The following EIF2AK1 variants were observed in gnomAD, a reference collection of about 807,000 sequenced individuals.
EIF2AK1 encodes the protein eukaryotic translation initiation factor 2-alpha kinase 1.
A neutral mutation model predicts 77.9 loss-of-function variants in EIF2AK1; 54 were observed. The ratio of observed to expected loss-of-function variants is 0.69; its 90% confidence interval spans 0.56 to 0.87. The LOEUF is 0.87. EIF2AK1 is among the 40% of genes least tolerant of loss of function. The probability of loss-of-function intolerance (pLI) is 0.00; values close to 1 mark genes in which losing one functional copy is unlikely to be tolerated. For missense variants in EIF2AK1, 810 were observed against 768.6 expected (o/e 1.05, Z -0.64); for synonymous variants, 314 against 290.5 (o/e 1.08, Z -0.82).
In EIF2AK1 at chr7:6,024,272, G is replaced by C. The variant is rs1167125257; in HGVS notation, c.*401C>G. ...TGAACTTCAGCTGCAGTGTGAAAGG[G>C]GCAGGAAGACTGGCAGCTGTCAAAA... On this transcript the variant is annotated 3_prime_UTR_variant, in exon 15 of 15. Coordinates refer to ENST00000199389, the MANE Select transcript of EIF2AK1 (RefSeq NM_014413.4). 3.3e-6 allele frequency: 4 copies of C among 1,210,546 alleles called. No individual in the cohort carries two copies. The highest frequency in any genetic ancestry group is 3.2e-5 in the African/African-American group (2 of 63,248). The allele number at this position is 1,210,546 out of a possible 1,614,324, so 75.0% of individuals were successfully genotyped here.
In EIF2AK1 at chr7:6,035,730, A is replaced by G. The variant is rs754024005; in HGVS notation, c.1332+1694T>C. 1.3e-6 allele frequency: 2 copies of G among 1,551,092 alleles called. No homozygotes were observed. Among genetic ancestry groups the G allele is most frequent in the South Asian group, 2.4e-5 (2 of 84,068 alleles). On this transcript the variant is annotated intron_variant, in intron 11 of 14. Coordinates refer to ENST00000199389, the MANE Select transcript of EIF2AK1 (RefSeq NM_014413.4). The surrounding 1 kb of genome is among the most constrained non-coding windows in gnomAD (Gnocchi z 5.5). ...CGATGTCAATGCTATTAATGAAGCCAGCATGACACCCCTTCACATGGCCGC... is the reference window on the plus strand; with the variant it reads ...CGATGTCAATGCTATTAATGAAGCCGGCATGACACCCCTTCACATGGCCGC...
At chr7:6,055,607 C>A (rs759280771) in intron 1 of EIF2AK1, among the ~76,000 whole-genome samples, 2 of 149,282 alleles carry the variant, frequency 1.3e-5, no homozygotes, top group African/African-American at 4.9e-5. Context: ...TGCAGACAGA[C>A]GAGTTGGCAC....
chr7:6,049,320 C>T (rs888548285), intron 3 of EIF2AK1, among the ~76,000 whole-genome samples: 9 of 152,144 alleles, frequency 5.9e-5, no homozygotes, highest in Admixed American at 5.2e-4. Context: ...AAGGCAGGCA[C>T]ATCACGAGGT....
intron 11 of EIF2AK1, among the ~76,000 whole-genome samples, chr7:6,029,507 C>A (rs1215992359): frequency 2.7e-5 from 4 of 150,312 alleles, no homozygotes; most frequent in African/African-American, 9.8e-5. Context: ...AAAAAAAAAA[C>A]CTCAACATTC....
At position 6,035,375 on chromosome 7, in the gene EIF2AK1, C is replaced by T; in HGVS notation, c.1332+2049G>A. The stretch of plus-strand genomic sequence containing the variant: ...TTTAAATAAATACTGGCTTCTTAAG[C>T]ATTAACTGTCCACGTAGAGCCGTTC... On this transcript the variant is annotated intron_variant, in intron 11 of 14. Transcript: ENST00000199389. The surrounding 1 kb of genome is among the most constrained non-coding windows in gnomAD (Gnocchi z 5.5). 7.3e-7 allele frequency: 1 copy of T among 1,368,484 alleles called. No homozygotes were observed. The allele number at this position is 1,368,484 out of a possible 1,614,324, so 84.8% of individuals were successfully genotyped here. A position where few individuals can be genotyped will look rare whatever the true frequency, so the allele number is the denominator to read the frequency against.
chr7:6,048,661 C>G, intron 4 of EIF2AK1, 146 bp downstream of exon 4: 1 of 618,872 alleles, frequency 1.6e-6, no homozygotes, highest in Non-Finnish European at 2.8e-6. Flanking sequence ...AAGCAAGTCT[C>G]AGAGCAGTAC....
At chr7:6,024,940 G>C (rs1236090176) in intron 14 of EIF2AK1, 139 bp from the exon 15 acceptor site, 32 of 569,230 alleles carry the variant, frequency 5.6e-5, no homozygotes, top group Non-Finnish European at 8.6e-5. Context: ...CCCAGTTCAA[G>C]CTATTCTCGT....
At chr7:6,040,624 G>A (rs1323684325) in intron 9 of EIF2AK1, among the ~76,000 whole-genome samples, 1 of 152,190 alleles carries the variant, frequency 6.6e-6, no homozygotes, top group Non-Finnish European at 1.5e-5. Flanking sequence ...CAGAGTGTGA[G>A]TGAGGCCGCC....
At chr7:6,028,806 G>C in intron 12 of EIF2AK1, 109 bp from the exon 13 acceptor site, 1 of 1,402,688 alleles carries the variant, frequency 7.1e-7, no homozygotes, top group Non-Finnish European at 1.0e-6. Context: ...CAGTTGCTTT[G>C]TATCTTTATC....
At chr7:6,026,642 G>T in intron 14 of EIF2AK1, 86 bp downstream of exon 14, 2 of 1,075,164 alleles carry the variant, frequency 1.9e-6, no homozygotes, top group East Asian at 2.4e-5. Context: ...CCCAGCCTCC[G>T]GGGGCACCAC....
intron 9 of EIF2AK1, among the ~76,000 whole-genome samples, chr7:6,040,541 C>CA (rs1323306162): frequency 6.6e-6 from 1 of 152,158 alleles, no homozygotes; most frequent in Non-Finnish European, 1.5e-5. Context: ...TACTGGGACT[C>CA]ACCTAAAGTC....
At chr7:6,056,589 A>C (rs1226118452) in intron 1 of EIF2AK1, among the ~76,000 whole-genome samples, 1 of 113,310 alleles carries the variant, frequency 8.8e-6, no homozygotes, top group East Asian at 2.4e-4. Context: ...GGGAGACTCC[A>C]TCTCAAGGGA....
chr7:6,049,516 C>T (rs1788544073), intron 3 of EIF2AK1, among the ~76,000 whole-genome samples: 1 of 152,056 alleles, frequency 6.6e-6, no homozygotes, highest in Admixed American at 6.6e-5. Context: ...GCACTCCAGC[C>T]CAGATGACAG....
At chr7:6,053,667 CTTTTT>C (rs34358095) in intron 2 of EIF2AK1, among the ~76,000 whole-genome samples, 1 of 117,500 alleles carries the variant, frequency 8.5e-6, no homozygotes, top group African/African-American at 3.3e-5. Flanking sequence ...CCAGCCCATT[CTTTTT>C]TTTTTTTTTT....
In EIF2AK1 at chr7:6,023,372, G is replaced by A. The variant is rs150887968; in HGVS notation, c.*1301C>T. 15 of 1,614,000 alleles carry A rather than the reference G, an allele frequency of 9.3e-6. No individual in the cohort carries two copies. The Admixed American group carries it at 1.5e-4, about 16-fold the overall frequency. ...ATCGAAGGCGAAGGGAACATTGCAC[G>A]TTTCTTGTTCTCTCTGTTTGGCCAG... On this transcript the variant is annotated 3_prime_UTR_variant, in exon 15 of 15. Transcript: ENST00000199389.
intron 1 of EIF2AK1, among the ~76,000 whole-genome samples, chr7:6,057,203 G>A (rs754478424): frequency 1.4e-5 from 2 of 138,498 alleles, no homozygotes; most frequent in African/African-American, 2.8e-5. Context: ...CACGATCTCA[G>A]CTCACTGCAA....
Position 6,024,274 on chromosome 7 carries a change from C to G in EIF2AK1, c.*399G>C. Reference sequence around the variant, plus strand: ...AACTTCAGCTGCAGTGTGAAAGGGGCAGGAAGACTGGCAGCTGTCAAAACT... The same window carrying G: ...AACTTCAGCTGCAGTGTGAAAGGGGGAGGAAGACTGGCAGCTGTCAAAACT... On this transcript the variant is annotated 3_prime_UTR_variant, in exon 15 of 15. Coordinates refer to ENST00000199389, the MANE Select transcript of EIF2AK1 (RefSeq NM_014413.4). 6 of 1,210,370 alleles carry G rather than the reference C, an allele frequency of 5.0e-6. No individual in the cohort carries two copies. Among genetic ancestry groups the G allele is most frequent in the Non-Finnish European group, 4.2e-6 (4 of 956,392 alleles). 75.0% of individuals were successfully genotyped at this position (1,210,370 alleles called of 1,614,324 possible).
At chr7:6,049,867 A>G (rs966889859) in intron 3 of EIF2AK1, 45 bp downstream of exon 3, 4 of 1,519,128 alleles carry the variant, frequency 2.6e-6, no homozygotes, top group Non-Finnish European at 3.6e-6. Flanking sequence ...TCTTAAAATT[A>G]AAGTATATTT....
In EIF2AK1 at chr7:6,026,894, C is replaced by G; in HGVS notation, c.1598G>C (p.Arg533Pro). 1 of 1,614,096 alleles carries G rather than the reference C, an allele frequency of 6.2e-7. No individual in the cohort carries two copies. The highest frequency in any genetic ancestry group is 8.5e-7 in the Non-Finnish European group (1 of 1,180,042). Residue 533 changes from arginine to proline, a missense_variant, in exon 14 of 15, where the codon CGA becomes CCA. Around this residue, in one of 3 missense-constraint regions of EIF2AK1, gnomAD observed 549 missense variants for 533.7 expected, o/e 1.03. Transcript: ENST00000199389. Reference sequence around the variant, plus strand: ...TCTTAAACCTGTTAGAACTTCTGCTCGCTCCATTTCTGTTCCAAACGGCTG... The same window carrying G: ...TCTTAAACCTGTTAGAACTTCTGCTGGCTCCATTTCTGTTCCAAACGGCTG... ...LFQPFGTEME[R>P]AEVLTGLRTG...
Sources: gnomAD v4.1 joint callset for allele counts (sites outside exome capture counted in the v4.1 genomes callset) on GRCh38, gnomAD v4.1.1 for gene constraint, gnomAD v4.1.1 regional missense constraint, Gnocchi (gnomAD v3.1) non-coding constraint, MANE v1.5 for transcripts, NCBI Gene and HGNC (gene_info 2026-07-23, HGNC 2026-07-21) for gene names.